Variants in HPSE2 observed in about 807,000 individuals in gnomAD.
The protein encoded by HPSE2 is inactive heparanase-2.
A neutral mutation model predicts 60.5 loss-of-function variants in HPSE2; 38 were observed. The observed-to-expected ratio is 0.63, with a 90% CI of 0.48 to 0.82. The LOEUF (loss-of-function observed/expected upper bound fraction) is 0.82. HPSE2 is among the 40% of genes least tolerant of loss of function. HPSE2 has a pLI of 0.00. For missense variants in HPSE2, 713 were observed against 740.4 expected, an observed-to-expected ratio of 0.96 and a Z score of 0.43; for synonymous variants, 295 against 293.2, an observed-to-expected ratio of 1.01 and a Z score of -0.06.
intron 3 of HPSE2, among the ~76,000 whole-genome samples, chr10:99,038,692 G>T (rs1957666050): frequency 6.6e-6 from 1 of 152,032 alleles, no homozygotes; most frequent in African/African-American, 2.4e-5. Context: ...TCCTGGTTTT[G>T]ATATTATACT....
At chr10:98,543,277 C>A (rs1313723698) in intron 9 of HPSE2, among the ~76,000 whole-genome samples, 2 of 151,928 alleles carry the variant, frequency 1.3e-5, no homozygotes, top group African/African-American at 4.8e-5. Context: ...CAAGCAAATG[C>A]TGAGAGAGTT....
chr10:99,110,224 G>A (rs7913712), intron 3 of HPSE2, among the ~76,000 whole-genome samples: 1,819 of 152,262 alleles, frequency 0.012, 36 homozygotes, highest in African/African-American at 0.041. Flanking sequence ...TTTTAGGCTA[G>A]GTAGGCCCAC....
chr10:99,291,271 C>A, the HPSE2 span, among the ~76,000 whole-genome samples: 23 of 152,150 alleles, frequency 1.5e-4, no homozygotes, highest in African/African-American at 5.5e-4. Context: ...CACTTCTGCC[C>A]TCTCTGATTA....
At chr10:98,643,230 C>G (rs945173371) in intron 6 of HPSE2, among the ~76,000 whole-genome samples, 2 of 152,166 alleles carry the variant, frequency 1.3e-5, no homozygotes, top group African/African-American at 4.8e-5. Context: ...TACGTAGTCT[C>G]TATGGGCCTC....
intron 9 of HPSE2, among the ~76,000 whole-genome samples, chr10:98,579,846 T>C (rs1351321810): frequency 6.6e-6 from 1 of 152,194 alleles, no homozygotes; most frequent in East Asian, 1.9e-4. Flanking sequence ...TCTCAGTTTT[T>C]CCCCAAATCT....
intron 3 of HPSE2, among the ~76,000 whole-genome samples, chr10:98,960,675 T>C (rs1363144831): frequency 6.8e-6 from 1 of 147,650 alleles, no homozygotes; most frequent in Non-Finnish European, 1.5e-5. Flanking sequence ...TCATCTTCTT[T>C]GAATTACAGT....
intron 2 of HPSE2, among the ~76,000 whole-genome samples, chr10:99,172,425 A>G (rs988063425): frequency 1.3e-5 from 2 of 152,188 alleles, no homozygotes; most frequent in Non-Finnish European, 2.9e-5. Flanking sequence ...GCTGGTGATC[A>G]ATTCAAACGA....
At chr10:98,870,788 C>T (rs1450027292) in intron 3 of HPSE2, among the ~76,000 whole-genome samples, 2 of 152,002 alleles carry the variant, frequency 1.3e-5, no homozygotes, top group Admixed American at 6.6e-5. Flanking sequence ...CTCCAAATCA[C>T]AATTCCCAAT....
At chr10:99,175,023 C>A (rs1847468277) in intron 2 of HPSE2, among the ~76,000 whole-genome samples, 1 of 152,100 alleles carries the variant, frequency 6.6e-6, no homozygotes, top group South Asian at 2.1e-4. Context: ...TGGTGAACTC[C>A]CTCCCCTAGC....
At chr10:98,982,459 C>T (rs1452641985) in intron 3 of HPSE2, among the ~76,000 whole-genome samples, 1 of 152,138 alleles carries the variant, frequency 6.6e-6, no homozygotes, top group African/African-American at 2.4e-5. Flanking sequence ...TCCTATCTCG[C>T]TCAGTTTTTA....
chr10:99,112,422 GTTTTGTTT>G (rs1564816643), intron 3 of HPSE2, among the ~76,000 whole-genome samples: 23 of 141,406 alleles, frequency 1.6e-4, no homozygotes, highest in Non-Finnish European at 2.6e-4. Flanking sequence ...GTTGTGTTTT[GTTTTGTTT>G]TGTTTTGTTT....
the HPSE2 span, among the ~76,000 whole-genome samples, chr10:99,305,979 G>GCGCGCACACACACACA: frequency 0.012 from 982 of 80,444 alleles, 18 homozygotes; most frequent in Non-Finnish European, 0.015. Flanking sequence ...GCGCGCGCGC[G>GCGCGCACACACACACA]CACACACACA....
At chr10:98,497,489 T>C (rs1941884330) in intron 9 of HPSE2, among the ~76,000 whole-genome samples, 1 of 152,174 alleles carries the variant, frequency 6.6e-6, no homozygotes, top group African/African-American at 2.4e-5. Context: ...CAATTTTTAA[T>C]CAGTTTCACA....
At chr10:98,511,893 A>G (rs1942420857) in intron 9 of HPSE2, among the ~76,000 whole-genome samples, 1 of 152,134 alleles carries the variant, frequency 6.6e-6, no homozygotes. Context: ...AAATGCTCCG[A>G]AGTGTGATGG....
intron 3 of HPSE2, among the ~76,000 whole-genome samples, chr10:98,924,176 G>C (rs1036341020): frequency 6.6e-6 from 1 of 152,204 alleles, no homozygotes; most frequent in Non-Finnish European, 1.5e-5. Context: ...TGGATTACCA[G>C]GCAGAAACCC....
At chr10:99,074,415 A>G (rs1842895652) in intron 3 of HPSE2, among the ~76,000 whole-genome samples, 1 of 152,102 alleles carries the variant, frequency 6.6e-6, no homozygotes, top group Non-Finnish European at 1.5e-5. Flanking sequence ...CCATCTAATC[A>G]TGGTGTATTT....
chr10:99,066,906 G>A (rs568228104), intron 3 of HPSE2, among the ~76,000 whole-genome samples: 2 of 152,174 alleles, frequency 1.3e-5, no homozygotes, highest in East Asian at 1.9e-4. Flanking sequence ...CTGAGACAAG[G>A]TAAGTCCTTT....
At chr10:99,082,648 G>A (rs1843186297) in intron 3 of HPSE2, among the ~76,000 whole-genome samples, 1 of 152,198 alleles carries the variant, frequency 6.6e-6, no homozygotes, top group Admixed American at 6.5e-5. Flanking sequence ...CAGGAGAGCT[G>A]AGATTTTATC....
chr10:98,925,382 T>C (rs1432675789), intron 3 of HPSE2, among the ~76,000 whole-genome samples: 3 of 148,154 alleles, frequency 2.0e-5, no homozygotes, highest in African/African-American at 7.6e-5. Flanking sequence ...TTTTTGACAC[T>C]GCTCTGGCAG....
Sources: gnomAD v4.1 joint callset for allele counts (sites outside exome capture counted in the v4.1 genomes callset) on GRCh38, gnomAD v4.1.1 for gene constraint, MANE v1.5 for transcripts, NCBI Gene and HGNC (gene_info 2026-07-23, HGNC 2026-07-21) for gene names.